ATE1: variants seen among roughly 807,000 people sequenced by gnomAD.
ATE1 encodes arginyl-tRNA--protein transferase 1.
Under a neutral mutation model 70.5 loss-of-function variants are expected in ATE1, and 36 were observed. The observed-to-expected ratio is 0.51, with a 90% CI of 0.39 to 0.67. ATE1 has a LOEUF of 0.67. Among genes scored for constraint, ATE1 ranks in the 30% least tolerant of loss-of-function variants. ATE1 has a pLI of 0.00. For synonymous variants in ATE1, 232 were observed against 219.3 expected (o/e 1.06, Z -0.51); for missense variants, 593 against 629.5 (o/e 0.94, Z 0.62).
chr10:121,913,503 G>A (rs559129046), intron 4 of ATE1, among the ~76,000 whole-genome samples: 205 of 152,308 alleles, frequency 1.3e-3, no homozygotes, highest in African/African-American at 4.7e-3. Context: ...CAAGAAAGAT[G>A]AGTTATCAAA....
chr10:121,844,146 C>T (rs533161134), intron 8 of ATE1, among the ~76,000 whole-genome samples: 2 of 152,322 alleles, frequency 1.3e-5, no homozygotes, highest in East Asian at 3.9e-4. Flanking sequence ...ATGCCTCTAA[C>T]CCCAGTGCTT....
chr10:121,776,887 A>T (rs575660114), intron 11 of ATE1, among the ~76,000 whole-genome samples: 1 of 152,352 alleles, frequency 6.6e-6, no homozygotes, highest in Admixed American at 6.5e-5. Context: ...TGATCACAAC[A>T]GTGAGGAAGA....
At chr10:121,773,131 G>T (rs1288438871) in intron 11 of ATE1, among the ~76,000 whole-genome samples, 1 of 152,108 alleles carries the variant, frequency 6.6e-6, no homozygotes, top group Non-Finnish European at 1.5e-5. Context: ...CTTCTGCCCT[G>T]CTTTCGTTAG....
intron 10 of ATE1, among the ~76,000 whole-genome samples, chr10:121,790,546 C>T (rs1190512016): frequency 1.3e-5 from 2 of 152,098 alleles, no homozygotes; most frequent in African/African-American, 2.4e-5. Flanking sequence ...GTTTTTACTC[C>T]CTTTTGGAAG....
intron 11 of ATE1, among the ~76,000 whole-genome samples, chr10:121,787,673 T>G (rs1946268167): frequency 6.6e-6 from 1 of 152,212 alleles, no homozygotes; most frequent in Non-Finnish European, 1.5e-5. Flanking sequence ...AACCTACTAG[T>G]TACAGGAAAA....
At chr10:121,904,226 C>A (rs1263382820) in intron 5 of ATE1, among the ~76,000 whole-genome samples, 3 of 151,914 alleles carry the variant, frequency 2.0e-5, no homozygotes, top group Non-Finnish European at 4.4e-5. Context: ...TCGTGATCCA[C>A]CTGCCTTGGC....
At chr10:121,798,731 C>A (rs1386034783) in intron 10 of ATE1, among the ~76,000 whole-genome samples, 1 of 147,584 alleles carries the variant, frequency 6.8e-6, no homozygotes, top group Non-Finnish European at 1.5e-5. Flanking sequence ...GAAACCCCTT[C>A]TCTACTAAAA....
chr10:121,790,838 A>G (rs1264494822), intron 10 of ATE1, among the ~76,000 whole-genome samples: 1 of 152,086 alleles, frequency 6.6e-6, no homozygotes, highest in Non-Finnish European at 1.5e-5. Context: ...TAAACGTATA[A>G]TAAAGAGAAG....
chr10:121,818,964 C>T (rs1178606996), intron 10 of ATE1, among the ~76,000 whole-genome samples: 3 of 151,994 alleles, frequency 2.0e-5, no homozygotes, highest in Middle Eastern at 3.2e-3. Flanking sequence ...ATCAAGAAAC[C>T]GAACTTGACC....
intron 1 of ATE1, chr10:121,927,508 AG>A: frequency 1.0e-6 from 1 of 985,334 alleles, no homozygotes. Flanking sequence ...CCCACCGGTC[AG>A]CCCCGGCCAT....
intron 7 of ATE1, among the ~76,000 whole-genome samples, chr10:121,884,478 A>C (rs1950319835): frequency 6.6e-6 from 1 of 152,020 alleles, no homozygotes; most frequent in African/African-American, 2.4e-5. Flanking sequence ...AGTGCCAGCT[A>C]CTCAGGGGAC....
rs1326488013 is a variant in ATE1 at position 121,902,465 on chromosome 10, T to G, written c.739A>C (p.Lys247Gln). The change falls in exon 6 of 12, where the codon AAA (lysine) becomes CAA (glutamine). Residue 247 changes from lysine (K) to glutamine (Q), a missense_variant. Transcript: ENST00000224652. ...TCGAGTGATTTTGGCTGGTTGGATTTAGCCTTTGGTGGAAACAAAGATGGT... is the reference window on the plus strand; with the variant it reads ...TCGAGTGATTTTGGCTGGTTGGATTGAGCCTTTGGTGGAAACAAAGATGGT... ...HPPSLFPPKAKSNQPKSLEDL... is the reference protein window; with the variant it reads ...HPPSLFPPKAQSNQPKSLEDL... 1 of 1,614,234 alleles carries G rather than the reference T, an allele frequency of 6.2e-7. No individual in the cohort carries two copies. The highest frequency in any genetic ancestry group is 2.2e-5 in the East Asian group (1 of 44,886).
chr10:121,778,600 A>C (rs1945846231), intron 11 of ATE1, among the ~76,000 whole-genome samples: 1 of 95,172 alleles, frequency 1.1e-5, no homozygotes, highest in African/African-American at 4.1e-5. Context: ...TTTTTGAGAC[A>C]TTGTCCTGCT....
chr10:121,910,672 T>C (rs1014912416), intron 5 of ATE1, among the ~76,000 whole-genome samples: 2 of 152,206 alleles, frequency 1.3e-5, no homozygotes, highest in Non-Finnish European at 2.9e-5. Context: ...TGGAACTCTT[T>C]GAAAATATCT....
chr10:121,832,168 C>G (rs1948264921), intron 10 of ATE1, among the ~76,000 whole-genome samples: 1 of 152,118 alleles, frequency 6.6e-6, no homozygotes, highest in Non-Finnish European at 1.5e-5. Context: ...TCTCTGTGGC[C>G]TAGCACTGAG....
chr10:121,916,015 T>A (rs1235662530), intron 3 of ATE1, among the ~76,000 whole-genome samples: 1 of 150,514 alleles, frequency 6.6e-6, no homozygotes, highest in South Asian at 2.1e-4. Context: ...GGCGGGCAGA[T>A]CACAAGGTCA....
At chr10:121,833,503 T>C (rs1442237451) in intron 10 of ATE1, among the ~76,000 whole-genome samples, 1 of 152,094 alleles carries the variant, frequency 6.6e-6, no homozygotes, top group African/African-American at 2.4e-5. Flanking sequence ...GATAGACTAG[T>C]TCTGGGAAGA....
chr10:121,927,553 G>C, intron 1 of ATE1: 3 of 984,354 alleles, frequency 3.0e-6, no homozygotes, highest in Non-Finnish European at 3.6e-6. Flanking sequence ...CTGGCACTGC[G>C]CGCCGTCCTT....
At chr10:121,755,420 G>T (rs1254817543) in intron 11 of ATE1, among the ~76,000 whole-genome samples, 1 of 152,210 alleles carries the variant, frequency 6.6e-6, no homozygotes, top group Non-Finnish European at 1.5e-5. Flanking sequence ...GGCAAATGTG[G>T]TAACACGTTA....
Sources: allele counts gnomAD v4.1 joint callset (sites outside exome capture counted in the v4.1 genomes callset), GRCh38; gene constraint gnomAD v4.1.1; transcripts MANE v1.5; gene names NCBI Gene and HGNC (gene_info 2026-07-23, HGNC 2026-07-21).